METTL25B: variants seen among roughly 807,000 people sequenced by gnomAD.
METTL25B encodes the protein methyltransferase like 25B.
A neutral mutation model predicts 48.4 loss-of-function variants in METTL25B; 38 were observed. That is an observed-to-expected ratio of 0.78 (90% confidence interval 0.61 to 1.03). The LOEUF is 1.03. METTL25B is among the 50% of genes least tolerant of loss of function. The pLI, the probability that METTL25B is intolerant of heterozygous loss-of-function variation, is 0.00. For missense variants in METTL25B, 537 were observed against 603.7 expected, an observed-to-expected ratio of 0.89 and a Z score of 1.16; for synonymous variants, 230 against 254.5, an observed-to-expected ratio of 0.90 and a Z score of 0.92.
chr1:156,729,415 C>G, intron 1 of METTL25B, 200 bp downstream of exon 1: 1 of 416,840 alleles, frequency 2.4e-6, no homozygotes, highest in Admixed American at 4.7e-5. Context: ...CTTTTTTTTT[C>G]TTTTTCTTTT....
At chr1:156,732,956 T>C in intron 3 of METTL25B, 29 bp from the exon 4 acceptor site, 1 of 1,606,256 alleles carries the variant, frequency 6.2e-7, no homozygotes, top group Non-Finnish European at 8.5e-7. Flanking sequence ...AACCAGTGGC[T>C]AGGAGACCTT....
chr1:156,730,576 T>TA (rs1027148651), intron 1 of METTL25B, among the ~76,000 whole-genome samples: 377 of 150,606 alleles, frequency 2.5e-3, no homozygotes, highest in Admixed American at 4.0e-3. Flanking sequence ...TAAAATAAAA[T>TA]AAAAAAATAG....
intron 6 of METTL25B, 120 bp downstream of exon 6, chr1:156,734,613 G>A (rs1649588718): frequency 2.6e-6 from 3 of 1,145,808 alleles, no homozygotes; most frequent in Non-Finnish European, 3.6e-6. Flanking sequence ...CTCACTGCAA[G>A]CTCTGTCTCC....
chr1:156,736,420 C>T, intron 7 of METTL25B: 1 of 542,206 alleles, frequency 1.8e-6, no homozygotes, highest in Non-Finnish European at 3.3e-6. Context: ...GCATGTTAAG[C>T]AAGCTTCCCA....
In METTL25B at chr1:156,728,825, A is replaced by G. The variant is rs1342070659; in HGVS notation, c.-280A>G. ...CTCGTTGTGAGCTGAGCTCAGCGGC[A>G]CGCTTTTGTGGCGTCACTGCACTGT... On this transcript the variant is annotated 5_prime_UTR_variant, in exon 1 of 8. Coordinates refer to ENST00000368216, the MANE Select transcript of METTL25B (RefSeq NM_015997.4). 1.1e-6 allele frequency: 1 copy of G among 888,658 alleles called. No homozygotes were observed. The highest frequency in any genetic ancestry group is 1.8e-5 in the African/African-American group (1 of 56,290). The allele number at this position is 888,658 out of a possible 1,614,324, so 55.0% of individuals were successfully genotyped here.
intron 1 of METTL25B, among the ~76,000 whole-genome samples, chr1:156,730,460 A>C (rs1649182820): frequency 1.3e-5 from 2 of 152,156 alleles, no homozygotes; most frequent in Non-Finnish European, 2.9e-5. Context: ...ACGATGGCTC[A>C]CACCTGTAAT....
intron 7 of METTL25B, 101 bp downstream of exon 7, chr1:156,736,010 C>CAT: frequency 9.4e-7 from 1 of 1,059,476 alleles, no homozygotes; most frequent in Non-Finnish European, 1.4e-6. Flanking sequence ...CCTAGCTAAT[C>CAT]ACTGTTGTGA....
chr1:156,735,309 T>C (rs1478890579), intron 6 of METTL25B, among the ~76,000 whole-genome samples: 6 of 150,820 alleles, frequency 4.0e-5, no homozygotes, highest in Admixed American at 1.3e-4. Context: ...AAAAGTTTTT[T>C]AAATGCTAAA....
At chr1:156,735,667 A>AGTGAGAGGTG in intron 6 of METTL25B, 58 bp from the exon 7 acceptor site, 1 of 1,449,784 alleles carries the variant, frequency 6.9e-7, no homozygotes, top group Non-Finnish European at 9.2e-7. Flanking sequence ...GCAAAGTTTA[A>AGTGAGAGGTG]GTGAGAGGTG....
At position 156,728,493 on chromosome 1, in the gene METTL25B, A is replaced by G. The variant is rs1648922129; in HGVS notation, c.-612A>G. On this transcript the variant is annotated 5_prime_UTR_variant, in exon 1 of 8. Transcript: ENST00000368216. ...CGGTGCGCGCCGACGAAGCCCGGGA[A>G]GGCAGGCGCGCGGGTTAGAACGCGC... The G allele has an allele frequency of 2.0e-6, 2 of 985,476 alleles. No individual in the cohort carries two copies. The highest frequency in any genetic ancestry group is 3.5e-5 in the African/African-American group (2 of 57,246). The allele number at this position is 985,476 out of a possible 1,614,324, so 61.0% of individuals were successfully genotyped here.
In METTL25B at chr1:156,734,056, G is replaced by A. The variant is rs571277057; in HGVS notation, c.684G>A (p.Trp228Ter). The change falls in exon 6 of 8, where the codon TGG (tryptophan) becomes TGA (stop). Residue 228 changes from tryptophan to a stop codon, truncating the protein, a stop_gained. Coordinates refer to ENST00000368216, the MANE Select transcript of METTL25B (RefSeq NM_015997.4). LOFTEE classifies it high-confidence loss of function. ...ACTCCCCACACCACGTGGTTAGGTGGGTAGACCCCACAGCCCTGTGTGAGG... is the reference window on the plus strand; with the variant it reads ...ACTCCCCACACCACGTGGTTAGGTGAGTAGACCCCACAGCCCTGTGTGAGG... Reference protein sequence around the residue: ...PRHSPHHVVRWVDPTALCEEL... With the variant: ...PRHSPHHVVR The A allele has an allele frequency of 5.0e-6, 8 of 1,613,616 alleles. No homozygotes were observed. The highest frequency in any genetic ancestry group is 6.8e-6 in the Non-Finnish European group (8 of 1,179,794).
Position 156,729,067 on chromosome 1 carries a change from T to G in METTL25B, c.-38T>G, listed in dbSNP as rs1458000915. 1 of 1,279,672 alleles carries G rather than the reference T, an allele frequency of 7.8e-7. No individual in the cohort carries two copies. The allele number at this position is 1,279,672 out of a possible 1,614,324, so 79.3% of individuals were successfully genotyped here. On this transcript the variant is annotated 5_prime_UTR_variant, in exon 1 of 8. Transcript: ENST00000368216. ...GTACTGACCCTGGATCCCTGTTCAC[T>G]GCGTTCTCGCTCCCCGCGCTCCCTG... is the stretch of plus-strand genomic sequence containing the variant.
chr1:156,732,497 G>T (rs760857110), intron 3 of METTL25B, 24 bp downstream of exon 3: 2 of 1,609,102 alleles, frequency 1.2e-6, no homozygotes, highest in East Asian at 4.5e-5. Flanking sequence ...TGGAGCATGG[G>T]TGGTGTCTGG....
Position 156,728,848 on chromosome 1 carries a change from T to C in METTL25B, c.-257T>C. 2 of 738,396 alleles carry C rather than the reference T, an allele frequency of 2.7e-6. No homozygotes were observed. The highest frequency in any genetic ancestry group is 4.3e-4 in the Middle Eastern group (1 of 2,334). The allele number at this position is 738,396 out of a possible 1,614,324, so 45.7% of individuals were successfully genotyped here. On this transcript the variant is annotated 5_prime_UTR_variant, in exon 1 of 8. Coordinates refer to ENST00000368216, the MANE Select transcript of METTL25B (RefSeq NM_015997.4). ...GCACGCTTTTGTGGCGTCACTGCAC[T>C]GTTACCCCGCCCTACGTGTCTCTGA...
chr1:156,732,203 C>A, intron 2 of METTL25B, 78 bp from the exon 3 acceptor site: 1 of 1,608,062 alleles, frequency 6.2e-7, no homozygotes, highest in Non-Finnish European at 8.5e-7. Context: ...ATAAGGTCTT[C>A]CTGGGCCTCG....
intron 7 of METTL25B, 188 bp from the exon 8 acceptor site, chr1:156,736,444 T>C: frequency 1.6e-6 from 1 of 610,632 alleles, no homozygotes; most frequent in Non-Finnish European, 2.9e-6. Context: ...ATCGAGAACC[T>C]ACAATGCAAG....
Position 156,731,989 on chromosome 1 carries a change from A to G in METTL25B, c.112-2A>G, listed in dbSNP as rs1422908001. The G allele has an allele frequency of 6.2e-7, 1 of 1,613,988 alleles. No individual in the cohort carries two copies. The highest frequency in any genetic ancestry group is 8.5e-7 in the Non-Finnish European group (1 of 1,179,994). ...CTGATGGCTTCTCCCCTTCTTCTGT[A>G]GGAATTTTTCACAGACAACCTATGG... On this transcript the variant is annotated splice_acceptor_variant, in intron 1 of 7. Coordinates refer to ENST00000368216, the MANE Select transcript of METTL25B (RefSeq NM_015997.4). LOFTEE classifies it high-confidence loss of function.
chr1:156,731,956 G>A (rs1247608900), intron 1 of METTL25B, 35 bp from the exon 2 acceptor site: 2 of 1,613,068 alleles, frequency 1.2e-6, no homozygotes, highest in Middle Eastern at 1.7e-4. Context: ...GGGAGTGGTA[G>A]TAGCTTGCTG....
chr1:156,736,579 G>A, intron 7 of METTL25B, 53 bp from the exon 8 acceptor site: 1 of 1,609,440 alleles, frequency 6.2e-7, no homozygotes. Flanking sequence ...GGGCAGAAGA[G>A]GCTGAGTGAG....
Sources: allele counts gnomAD v4.1 joint callset (sites outside exome capture counted in the v4.1 genomes callset), GRCh38; gene constraint gnomAD v4.1.1; transcripts MANE v1.5; gene names NCBI Gene and HGNC (gene_info 2026-07-23, HGNC 2026-07-21).